The following TRAF3IP1 variants were observed in gnomAD, a reference collection of about 807,000 sequenced individuals.
The protein encoded by TRAF3IP1 is TRAF3-interacting protein 1.
A neutral mutation model predicts 89.9 loss-of-function variants in TRAF3IP1; 53 were observed. The ratio of observed to expected loss-of-function variants is 0.59; its 90% CI spans 0.47 to 0.74. The LOEUF is 0.74. Among genes scored for constraint, TRAF3IP1 ranks in the 30% least tolerant of loss-of-function variants. The pLI is 0.00. For synonymous variants in TRAF3IP1, 311 were observed against 322.1 expected, an observed-to-expected ratio of 0.97 and a Z score of 0.37; for missense variants, 806 against 866.1, an observed-to-expected ratio of 0.93 and a Z score of 0.87.
intron 14 of TRAF3IP1, 28 bp downstream of exon 14, chr2:238,353,237 A>G (rs752026298): frequency 8.7e-6 from 14 of 1,613,326 alleles, no homozygotes; most frequent in Non-Finnish European, 1.2e-5. Context: ...GTGTGCATGT[A>G]TGTCCATGTG....
rs1436762764 is a variant in TRAF3IP1, at chr2:238,349,254, G to C, written c.1368-71G>C. ...GAGATGAGAGTTAACATTCACCTGGGCTTTCTTTTCCAGTTTGAAATGTAT... is the reference window on the plus strand; with the variant it reads ...GAGATGAGAGTTAACATTCACCTGGCCTTTCTTTTCCAGTTTGAAATGTAT... On this transcript the variant is annotated intron_variant, in intron 11 of 16. Transcript: ENST00000373327. 3 of 1,411,104 alleles carry C rather than the reference G, an allele frequency of 2.1e-6. No homozygotes were observed. The African/African-American group carries it at 4.3e-5, about 20-fold the overall frequency. The allele number at this position is 1,411,104 out of a possible 1,614,324, so 87.4% of individuals were successfully genotyped here. A position where few individuals can be genotyped will look rare whatever the true frequency, so the allele number is the denominator to read the frequency against.
intron 15 of TRAF3IP1, among the ~76,000 whole-genome samples, chr2:238,358,685 A>C (rs1032342253): frequency 3.7e-4 from 57 of 152,028 alleles, no homozygotes; most frequent in African/African-American, 1.3e-3. Flanking sequence ...CCTCGTGTTG[A>C]TCTGTTATGC....
intron 12 of TRAF3IP1, among the ~76,000 whole-genome samples, chr2:238,352,331 G>T (rs1699208511): frequency 6.6e-6 from 1 of 152,126 alleles, no homozygotes; most frequent in South Asian, 2.1e-4. Flanking sequence ...TGAATGAGGG[G>T]CCTCCAGCTG....
intron 15 of TRAF3IP1, among the ~76,000 whole-genome samples, chr2:238,382,115 C>A (rs776098727): frequency 6.6e-6 from 1 of 152,112 alleles, no homozygotes; most frequent in Non-Finnish European, 1.5e-5. Context: ...ACACCAAAGC[C>A]ATGGGGACAT....
rs776751229 is a variant in TRAF3IP1, at chr2:238,328,690, C to G, written c.359C>G (p.Ser120Cys). 6.2e-7 allele frequency: 1 copy of G among 1,613,592 alleles called. No homozygotes were observed. The highest frequency in any genetic ancestry group is 8.5e-7 in the Non-Finnish European group (1 of 1,179,806). The change falls in exon 4 of 17, where the codon TCT (serine) becomes TGT (cysteine). Residue 120 changes from serine to cysteine, a missense_variant. Physicochemically the swap from Ser to Cys is moderately radical, Grantham distance 112. Transcript: ENST00000373327. ...IIGKCCLNKL[S>C]SDDAVRRVLA... ...TCCTTCCATTTGGACGACAAGCTCT[C>G]TAGTGACGATGCGGTGCGGAGGGTT...
chr2:238,321,925 C>T (rs1697567788), intron 1 of TRAF3IP1, among the ~76,000 whole-genome samples: 1 of 152,216 alleles, frequency 6.6e-6, no homozygotes, highest in South Asian at 2.1e-4. Flanking sequence ...TGCCCTCCTA[C>T]CTTAGCTTAT....
At chr2:238,324,667 C>T (rs1384608520) in intron 1 of TRAF3IP1, among the ~76,000 whole-genome samples, 3 of 151,882 alleles carry the variant, frequency 2.0e-5, no homozygotes, top group African/African-American at 7.3e-5. Context: ...TGCAGTGGTA[C>T]GATCTCGGCT....
Position 238,361,151 on chromosome 2 carries a change from A to G in TRAF3IP1, c.1689+5071A>G, listed in dbSNP as rs140668226. On this transcript the variant is annotated intron_variant, in intron 15 of 16. Coordinates refer to ENST00000373327, the MANE Select transcript of TRAF3IP1 (RefSeq NM_015650.4). Reference sequence around the variant, plus strand: ...AACCTCTGCCTCCCAGGCTCAAGTGATCCTCCCACCTCAGTCTCCCGAGTA... The same window carrying G: ...AACCTCTGCCTCCCAGGCTCAAGTGGTCCTCCCACCTCAGTCTCCCGAGTA... 1.0e-3 allele frequency among the ~76,000 whole-genome samples: 153 copies of G among 151,122 alleles called. 2 individuals carry two copies. The highest frequency in any genetic ancestry group is 3.5e-3 in the African/African-American group (144 of 41,238).
intron 5 of TRAF3IP1, 125 bp from the exon 6 acceptor site, chr2:238,332,699 A>T: frequency 1.4e-6 from 1 of 701,262 alleles, no homozygotes; most frequent in Non-Finnish European, 2.5e-6. Context: ...TGGACTGGCG[A>T]TGTGGTGTTC....
At position 238,329,098 on chromosome 2, in the gene TRAF3IP1, C is replaced by T. The variant is rs968732305; in HGVS notation, c.671C>T (p.Ala224Val). Residue 224 changes from alanine to valine, a missense_variant, in exon 5 of 17, where the codon GCC becomes GTC. Around this residue, in one of 3 missense-constraint regions of TRAF3IP1, gnomAD observed 732 missense variants for 780.5 expected, o/e 0.94. Coordinates refer to ENST00000373327, the MANE Select transcript of TRAF3IP1 (RefSeq NM_015650.4). ...GAGAGAGAGAGAGCCAAAGCCCGGG[C>T]CAGGCCAGACAACGAGCGACAGAAA... ...EGERERAKAR[A>V]RPDNERQKDR... 4 of 1,550,372 alleles carry T rather than the reference C, an allele frequency of 2.6e-6. No homozygotes were observed. The African/African-American group carries it at 5.5e-5, about 21-fold the overall frequency.
intron 15 of TRAF3IP1, among the ~76,000 whole-genome samples, chr2:238,388,168 A>G (rs184477281): frequency 1.1e-4 from 16 of 152,232 alleles, no homozygotes; most frequent in African/African-American, 3.6e-4. Context: ...TGAGGTCAGG[A>G]GTTCAAGACT....
At position 238,397,682 on chromosome 2, in the gene TRAF3IP1, G is replaced by C. The variant is rs778373034; in HGVS notation, c.1910+3G>C. The C allele has an allele frequency of 3.1e-6, 5 of 1,602,518 alleles. No individual in the cohort carries two copies. The highest frequency in any genetic ancestry group is 2.2e-5 in the South Asian group (2 of 90,544). ...GAGGCCCTGCAGCAGGAGCAGAGGT[G>C]GGGGGTAGTAATGGGGAGGGGGCCC... On this transcript the variant is annotated splice_donor_region_variant and intron_variant, in intron 16 of 16. Transcript: ENST00000373327.
At chr2:238,329,832 A>G (rs997501994) in intron 5 of TRAF3IP1, among the ~76,000 whole-genome samples, 2 of 152,188 alleles carry the variant, frequency 1.3e-5, no homozygotes, top group African/African-American at 4.8e-5. Context: ...TGATCAATTG[A>G]TGGTGGTTTC....
chr2:238,344,457 G>T, intron 8 of TRAF3IP1, 40 bp from the exon 9 acceptor site: 1 of 1,523,932 alleles, frequency 6.6e-7, no homozygotes, highest in Non-Finnish European at 9.1e-7. Flanking sequence ...GCCCTTTGGT[G>T]TACAGTCTTA....
chr2:238,375,473 G>A (rs921123672), intron 15 of TRAF3IP1, among the ~76,000 whole-genome samples: 6 of 152,164 alleles, frequency 3.9e-5, no homozygotes, highest in Non-Finnish European at 5.9e-5. Flanking sequence ...GTTCTAATTT[G>A]ATTGCACTAT....
At chr2:238,376,252 C>T (rs1700311500) in intron 15 of TRAF3IP1, among the ~76,000 whole-genome samples, 1 of 152,094 alleles carries the variant, frequency 6.6e-6, no homozygotes, top group South Asian at 2.1e-4. Context: ...AAAATATTAT[C>T]CTTTAACTGG....
intron 7 of TRAF3IP1, among the ~76,000 whole-genome samples, chr2:238,335,766 T>TTTTATTTTATTTA (rs1166826330): frequency 1.5e-5 from 2 of 137,102 alleles, no homozygotes; most frequent in Admixed American, 7.5e-5. Context: ...TTTTATTTTA[T>TTTTATTTTATTTA]TTTATTTATT....
rs1202814265 is a variant in TRAF3IP1 at position 238,399,149 on chromosome 2, T to C, written c.*230T>C. 7 of 412,016 alleles carry C rather than the reference T, an allele frequency of 1.7e-5. No individual in the cohort carries two copies. The East Asian group carries it at 2.8e-4, about 16-fold the overall frequency. The allele number at this position is 412,016 out of a possible 1,614,324, so 25.5% of individuals were successfully genotyped here. On this transcript the variant is annotated 3_prime_UTR_variant, in exon 17 of 17. Coordinates refer to ENST00000373327, the MANE Select transcript of TRAF3IP1 (RefSeq NM_015650.4). ...ATACTGGCTAGTTATAAATAGCGCT[T>C]CCAAACACCTCTGTGAAAAGTTTTT... is the stretch of plus-strand genomic sequence containing the variant.
At chr2:238,381,684 A>G (rs941278510) in intron 15 of TRAF3IP1, among the ~76,000 whole-genome samples, 2 of 152,218 alleles carry the variant, frequency 1.3e-5, no homozygotes, top group African/African-American at 2.4e-5. Context: ...GAAAATGGGT[A>G]TAAACATTCA....
Sources: gnomAD v4.1 joint callset for allele counts (sites outside exome capture counted in the v4.1 genomes callset) on GRCh38, gnomAD v4.1.1 for gene constraint, gnomAD v4.1.1 regional missense constraint, MANE v1.5 for transcripts, NCBI Gene and HGNC (gene_info 2026-07-23, HGNC 2026-07-21) for gene names.